TENM1: variants seen among roughly 807,000 people sequenced by gnomAD.
TENM1 encodes the protein teneurin transmembrane protein 1.
TENM1 carries 35 observed loss-of-function variants against 174.8 expected under a neutral mutation model. The observed-to-expected ratio is 0.20, with a 90% confidence interval of 0.15 to 0.27. TENM1 has a LOEUF of 0.27. Among genes scored for constraint, TENM1 ranks in the 10% least tolerant of loss-of-function variants. TENM1 has a pLI of 1.00. For synonymous variants in TENM1, 781 were observed against 798.7 expected, an observed-to-expected ratio of 0.98 and a Z score of 0.37; for missense variants, 1,633 against 2,130.1, an observed-to-expected ratio of 0.77 and a Z score of 4.59.
chrX:125,171,776 A>T, the TENM1 span, among the ~76,000 whole-genome samples: 3 of 111,611 alleles, frequency 2.7e-5, no homozygotes, highest in Non-Finnish European at 5.7e-5. Flanking sequence ...TCTATTGTTT[A>T]TAAGCCATAT....
intron 18 of TENM1, among the ~76,000 whole-genome samples, chrX:124,509,562 T>C (rs917631595): frequency 2.7e-5 from 3 of 111,054 alleles, no homozygotes; most frequent in Non-Finnish European, 5.7e-5. Flanking sequence ...TGAGGTGCTG[T>C]TATTTAATGA....
chrX:124,390,458 G>A (rs1000436688), intron 28 of TENM1, among the ~76,000 whole-genome samples: 25 of 112,357 alleles, frequency 2.2e-4, no homozygotes, highest in African/African-American at 7.4e-4. Flanking sequence ...TCGTCATCTA[G>A]AGGGGAAAGT....
intron 19 of TENM1, among the ~76,000 whole-genome samples, chrX:124,498,346 C>T (rs1202301448): frequency 9.0e-6 from 1 of 110,980 alleles, no homozygotes; most frequent in Non-Finnish European, 1.9e-5. Flanking sequence ...TCCAGATCTT[C>T]GTCCCCACTC....
At chrX:124,830,740 G>A (rs886686071) in intron 3 of TENM1, among the ~76,000 whole-genome samples, 4 of 111,071 alleles carry the variant, frequency 3.6e-5, no homozygotes, top group Non-Finnish European at 7.5e-5. Context: ...TATGGTATTC[G>A]TATAATGAAG....
chrX:125,069,072 G>T, the TENM1 span, among the ~76,000 whole-genome samples: 1,474 of 111,228 alleles, frequency 0.013, 10 homozygotes, highest in Non-Finnish European at 0.021. Flanking sequence ...GGGAATGATG[G>T]GGGGGTTGAG....
At chrX:124,961,667 A>G (rs1306254740) in intron 1 of TENM1, among the ~76,000 whole-genome samples, 1 of 111,218 alleles carries the variant, frequency 9.0e-6, no homozygotes. Flanking sequence ...AAAAGAATGT[A>G]TTTTCAAAGT....
intron 3 of TENM1, among the ~76,000 whole-genome samples, chrX:124,885,830 A>G (rs776758126): frequency 9.0e-6 from 1 of 111,630 alleles, no homozygotes; most frequent in South Asian, 3.8e-4. Context: ...TATTATTTCA[A>G]TTATTTCAAA....
At chrX:124,528,991 T>G (rs2148067223) in intron 16 of TENM1, among the ~76,000 whole-genome samples, 1 of 111,704 alleles carries the variant, frequency 9.0e-6, no homozygotes, top group Non-Finnish European at 1.9e-5. Context: ...AAGGTTTGAT[T>G]GTAGGTTCTT....
At chrX:124,620,380 AT>A (rs1373502157) in intron 11 of TENM1, among the ~76,000 whole-genome samples, 5 of 111,496 alleles carry the variant, frequency 4.5e-5, no homozygotes, top group Non-Finnish European at 9.4e-5. Context: ...GGAAAAAAAA[AT>A]CTCCCAATTT....
chrX:125,159,999 A>G, the TENM1 span, among the ~76,000 whole-genome samples: 1 of 110,213 alleles, frequency 9.1e-6, no homozygotes, highest in East Asian at 2.9e-4. Context: ...CAGGAGTTCA[A>G]GACTAGCCTG....
At chrX:124,799,504 C>CT (rs1456307817) in intron 3 of TENM1, among the ~76,000 whole-genome samples, 1 of 109,783 alleles carries the variant, frequency 9.1e-6, no homozygotes, top group South Asian at 3.9e-4. Context: ...TGTTTTGGGG[C>CT]TGAGACAATG....
At chrX:124,550,367 A>G (rs1245539006) in intron 14 of TENM1, among the ~76,000 whole-genome samples, 1 of 112,233 alleles carries the variant, frequency 8.9e-6, no homozygotes, top group African/African-American at 3.2e-5. Context: ...CTTGATAATA[A>G]TGGGTGGTTA....
the TENM1 span, among the ~76,000 whole-genome samples, chrX:125,097,937 A>C: frequency 9.0e-6 from 1 of 110,557 alleles, no homozygotes; most frequent in African/African-American, 3.3e-5. Flanking sequence ...GGTATGTTAA[A>C]ATTTTAACTT....
rs1397521832 is a variant in TENM1, at chrX:124,575,123, T to G, written c.2078-9563A>C. 3.6e-5 allele frequency among the ~76,000 whole-genome samples: 4 copies of G among 112,113 alleles called. No homozygotes were observed. In the Admixed American group the frequency reaches 3.8e-4, roughly 11 times the overall value. On this transcript the variant is annotated intron_variant, in intron 11 of 31. Transcript: ENST00000422452. ...AAAAGTAATTAGAAGAACATATTAGTTGATGAGGTATCATATCTGTTTTAT... is the reference window on the plus strand; with the variant it reads ...AAAAGTAATTAGAAGAACATATTAGGTGATGAGGTATCATATCTGTTTTAT...
At chrX:124,989,931 T>G in the TENM1 span, among the ~76,000 whole-genome samples, 1 of 111,970 alleles carries the variant, frequency 8.9e-6, no homozygotes, top group Non-Finnish European at 1.9e-5. Flanking sequence ...TTTCATTAAG[T>G]ATCTGTGATA....
At chrX:124,420,950 T>G in intron 24 of TENM1, 129 bp from the exon 28 acceptor site, 1 of 603,222 alleles carries the variant, frequency 1.7e-6, no homozygotes, top group Non-Finnish European at 2.5e-6. Flanking sequence ...ATTCTCTGTA[T>G]TCCCTCCCTG....
chrX:124,463,318 C>T (rs777038000), intron 22 of TENM1, among the ~76,000 whole-genome samples: 1 of 111,757 alleles, frequency 8.9e-6, no homozygotes, highest in African/African-American at 3.3e-5. Context: ...TGGTGTGAAG[C>T]TCACAAGAGC....
chrX:124,499,746 T>C lies in TENM1; in HGVS notation c.3446-2481A>G, dbSNP rs1481662632. ...CTGGAATGACAGTTGCACAACATCA[T>C]TGAAGAGAAATCTCCCGATGATTGC... On this transcript the variant is annotated intron_variant, in intron 19 of 31. Coordinates refer to ENST00000422452, the Ensembl canonical transcript of TENM1. Among the ~76,000 whole-genome samples, 4 of 111,911 alleles carry C rather than the reference T, an allele frequency of 3.6e-5. No homozygotes were observed. In the East Asian group the frequency reaches 1.1e-3, roughly 32 times the overall value.
exon 16 of TENM1, chrX:124,529,907 G>T (rs1306682237): frequency 1.7e-6 from 2 of 1,208,992 alleles, no homozygotes; most frequent in Non-Finnish European, 2.2e-6. Flanking sequence ...TCACTGTGGT[G>T]CAAGAAACTG....
Sources: gnomAD v4.1 joint callset for allele counts (sites outside exome capture counted in the v4.1 genomes callset) on GRCh38, gnomAD v4.1.1 for gene constraint, MANE v1.5 for transcripts, NCBI Gene and HGNC (gene_info 2026-07-23, HGNC 2026-07-21) for gene names.